The following IL31RA variants were observed in gnomAD, a reference collection of about 807,000 sequenced individuals.
IL31RA encodes interleukin-31 receptor subunit alpha.
Under a neutral mutation model 83.7 loss-of-function variants are expected in IL31RA, and 66 were observed. That is an observed-to-expected ratio of 0.79 (90% confidence interval 0.65 to 0.97). The LOEUF is 0.97. IL31RA is among the 50% of genes least tolerant of loss of function. IL31RA has a pLI of 0.00. For missense variants in IL31RA, 798 were observed against 919.4 expected (o/e 0.87, Z 1.71); for synonymous variants, 325 against 329.0 (o/e 0.99, Z 0.13).
rs949171308 is a variant in IL31RA, at chr5:55,882,403, A to G, written c.455-641A>G. 1.1e-4 allele frequency among the ~76,000 whole-genome samples: 16 copies of G among 152,374 alleles called. 1 individual carries two copies. The highest frequency in any genetic ancestry group is 3.4e-4 in the African/African-American group (14 of 41,592). ...CAAAAGCTTTATTTAGCGTAATACC[A>G]ATTTTGTTAGAAGATAATGCAAATA... is the stretch of plus-strand genomic sequence containing the variant. On this transcript the variant is annotated intron_variant, in intron 4 of 14. Coordinates refer to ENST00000652347, the MANE Select transcript of IL31RA (RefSeq NM_139017.7).
chr5:55,857,344 G>A (rs936442914), intron 1 of IL31RA, among the ~76,000 whole-genome samples: 3 of 152,058 alleles, frequency 2.0e-5, no homozygotes, highest in Admixed American at 6.6e-5. Flanking sequence ...CAAGTGATCC[G>A]CCCACCTCAG....
the IL31RA span, among the ~76,000 whole-genome samples, chr5:55,841,761 G>A: frequency 6.6e-6 from 1 of 152,018 alleles, no homozygotes; most frequent in Non-Finnish European, 1.5e-5. Context: ...ATCCTATCTC[G>A]ATGAAAGGGT....
intron 10 of IL31RA, 70 bp from the exon 11 acceptor site, chr5:55,908,195 G>T: frequency 6.2e-7 from 1 of 1,607,276 alleles, no homozygotes; most frequent in Non-Finnish European, 8.5e-7. Flanking sequence ...TACTGGCCAG[G>T]GCCTTTGTGG....
chr5:55,897,660 G>C (rs1243382048), intron 7 of IL31RA, among the ~76,000 whole-genome samples: 1 of 141,502 alleles, frequency 7.1e-6, no homozygotes, highest in Non-Finnish European at 1.6e-5. Flanking sequence ...GTCAGGTGGG[G>C]AATGCAGAGA....
chr5:55,886,021 C>T (rs1476341678), intron 5 of IL31RA, among the ~76,000 whole-genome samples: 1 of 152,076 alleles, frequency 6.6e-6, no homozygotes, highest in African/African-American at 2.4e-5. Flanking sequence ...GGACCAGAGT[C>T]CCTCTGGAAA....
chr5:55,900,140 G>A lies in IL31RA; in HGVS notation c.1069+8G>A, dbSNP rs745613065. 1.3e-6 allele frequency: 2 copies of A among 1,593,372 alleles called. No homozygotes were observed. The highest frequency in any genetic ancestry group is 2.2e-5 in the South Asian group (2 of 90,638). On this transcript the variant is annotated splice_region_variant and intron_variant, in intron 8 of 14. Transcript: ENST00000652347. ...CAGCTATTCAAGAAAAATGTAAGTA[G>A]AGCATCAACTTCTTCCTTAGGTGCC...
intron 7 of IL31RA, among the ~76,000 whole-genome samples, chr5:55,898,619 A>G (rs1748595186): frequency 6.8e-6 from 1 of 146,394 alleles, no homozygotes; most frequent in African/African-American, 2.5e-5. Flanking sequence ...AAAGATTTTA[A>G]ATAACATATT....
intron 1 of IL31RA, among the ~76,000 whole-genome samples, chr5:55,855,316 A>AT (rs1554083866): frequency 6.9e-6 from 1 of 145,832 alleles, no homozygotes; most frequent in Non-Finnish European, 1.5e-5. Flanking sequence ...GATAATTTAA[A>AT]ATATATATAT....
rs375193030 is a variant in IL31RA at position 55,910,014 on chromosome 5, T to C, written c.1502-518T>C. Among the ~76,000 whole-genome samples the C allele has an allele frequency of 5.3e-5, 8 of 152,220 alleles. No homozygotes were observed. In the East Asian group the frequency reaches 1.2e-3, roughly 22 times the overall value. On this transcript the variant is annotated intron_variant, in intron 11 of 14. Transcript: ENST00000652347. ...CCACTGCGCCCGGCCAGCCCGTTTG[T>C]ATATCTTCTTTGGAGAAGTGTATTT... is the stretch of plus-strand genomic sequence containing the variant.
chr5:55,883,321 A>C, intron 5 of IL31RA, 126 bp downstream of exon 5: 1 of 888,296 alleles, frequency 1.1e-6, no homozygotes, highest in Middle Eastern at 2.6e-4. Flanking sequence ...GACATTGCTA[A>C]GTACTTCTCC....
chr5:55,855,316 AATAT>A (rs33990463), intron 1 of IL31RA, among the ~76,000 whole-genome samples: 2 of 145,832 alleles, frequency 1.4e-5, no homozygotes, highest in African/African-American at 5.0e-5. Flanking sequence ...GATAATTTAA[AATAT>A]ATATATATAT....
chr5:55,872,701 G>A (rs1445190943), intron 4 of IL31RA, among the ~76,000 whole-genome samples: 3 of 151,972 alleles, frequency 2.0e-5, no homozygotes, highest in Non-Finnish European at 4.4e-5. Context: ...TATTTTGTGG[G>A]CCACTGGTTT....
Position 55,918,576 on chromosome 5 carries a change from G to A in IL31RA, c.*1456G>A, listed in dbSNP as rs1298128582. Among the ~76,000 whole-genome samples the A allele has an allele frequency of 6.6e-6, 1 of 152,090 alleles. No homozygotes were observed. Among genetic ancestry groups the A allele is most frequent in the Admixed American group, 6.5e-5 (1 of 15,272 alleles). ...CCGAGGATGTTCAATGGCGCAGCGT[G>A]CATGGGGCAGAGTTGGTCACTCAGT... On this transcript the variant is annotated 3_prime_UTR_variant, in exon 15 of 15. Transcript: ENST00000652347.
rs763337032 is a variant in IL31RA at position 55,916,939 on chromosome 5, C to A, written c.2114C>A (p.Ser705Ter). Reference sequence around the variant, plus strand: ...CCCAGAAAATCCCAATACCTACGTTCGAGGATGCCAGAGGGGACCCGCCCA... The same window carrying A: ...CCCAGAAAATCCCAATACCTACGTTAGAGGATGCCAGAGGGGACCCGCCCA... ...IPPRKSQYLR[S>*]RMPEGTRPEA... is the part of the protein sequence containing the mutation. Residue 705 changes from serine (S) to a stop codon, truncating the protein, a stop_gained, in exon 15 of 15, where the codon TCG becomes TAG. Transcript: ENST00000652347. LOFTEE classifies it low-confidence loss of function (END_TRUNC). 3 of 1,613,724 alleles carry A rather than the reference C, an allele frequency of 1.9e-6. No individual in the cohort carries two copies. Among genetic ancestry groups the A allele is most frequent in the African/African-American group, 1.3e-5 (1 of 74,848 alleles).
intron 4 of IL31RA, among the ~76,000 whole-genome samples, chr5:55,875,012 G>T (rs1407250033): frequency 2.0e-5 from 3 of 152,096 alleles, no homozygotes; most frequent in Non-Finnish European, 2.9e-5. Context: ...TATGGGTTTG[G>T]TAGATACCCA....
intron 1 of IL31RA, among the ~76,000 whole-genome samples, chr5:55,859,259 G>C (rs1024496779): frequency 2.6e-5 from 4 of 152,052 alleles, no homozygotes; most frequent in African/African-American, 9.7e-5. Flanking sequence ...CTTGGTAGTT[G>C]GTATACTTTT....
chr5:55,922,408 G>T lies in IL31RA; in HGVS notation c.*5288G>T, dbSNP rs1750137014. ...ATTTCATTTTTAGGACTAGAATTCT[G>T]TCTTCCTGCCCAACTTCAATATAAG... is the stretch of plus-strand genomic sequence containing the variant. On this transcript the variant is annotated 3_prime_UTR_variant, in exon 15 of 15. Transcript: ENST00000652347. 1 of 1,550,710 alleles carries T rather than the reference G, an allele frequency of 6.4e-7. No homozygotes were observed. The highest frequency in any genetic ancestry group is 8.7e-7 in the Non-Finnish European group (1 of 1,146,738).
At chr5:55,885,435 T>G (rs1196104504) in intron 5 of IL31RA, among the ~76,000 whole-genome samples, 5 of 152,198 alleles carry the variant, frequency 3.3e-5, no homozygotes, top group African/African-American at 1.2e-4. Context: ...GATGGGCTCC[T>G]GCTAACAGGC....
chr5:55,909,935 C>T (rs1749395838), intron 11 of IL31RA, among the ~76,000 whole-genome samples: 2 of 152,324 alleles, frequency 1.3e-5, no homozygotes, highest in Admixed American at 1.3e-4. Flanking sequence ...AACTCCCGAC[C>T]TCGGGTGATC....
Sources: allele counts gnomAD v4.1 joint callset (sites outside exome capture counted in the v4.1 genomes callset), GRCh38; gene constraint gnomAD v4.1.1; transcripts MANE v1.5; gene names NCBI Gene and HGNC (gene_info 2026-07-23, HGNC 2026-07-21).